The following LOXHD1 variants were observed in gnomAD, a reference collection of about 807,000 sequenced individuals.
LOXHD1 encodes the protein lipoxygenase homology PLAT domains 1, also known as lipoxygenase homology domain-containing protein 1.
A neutral mutation model predicts 248.2 loss-of-function variants in LOXHD1; 205 were observed. The ratio of observed to expected loss-of-function variants is 0.83; its 90% CI spans 0.74 to 0.93. The LOEUF is 0.93. Among genes scored for constraint, LOXHD1 ranks in the 40% least tolerant of loss-of-function variants. The pLI is 0.00. For missense variants in LOXHD1, 2,930 were observed against 2,971.6 expected, an observed-to-expected ratio of 0.99 and a Z score of 0.33; for synonymous variants, 1,113 against 1,162.8, an observed-to-expected ratio of 0.96 and a Z score of 0.87.
intron 14 of LOXHD1, among the ~76,000 whole-genome samples, chr18:46,574,105 A>T (rs1419190129): frequency 6.6e-6 from 1 of 151,980 alleles, no homozygotes; most frequent in Non-Finnish European, 1.5e-5. Flanking sequence ...GAGAGTCAGC[A>T]AGCCCTCGGC....
In LOXHD1 at chr18:46,521,125, T is replaced by A; in HGVS notation, c.5243A>T (p.Asp1748Val). Residue 1748 changes from aspartate (D) to valine (V), a missense_variant, in exon 33 of 41, where the codon GAT (aspartate) becomes GTT (valine). By Grantham distance (152) the Asp-to-Val change is radical. Transcript: ENST00000642948. ...GITSRVFDLL[D>V]AMVVNIGVKV... ...CACCCCAATGTTCACCACCATGGCA[T>A]CCAAGAGGTCGAAGACACGGGAGGT... The A allele has an allele frequency of 6.4e-7, 1 of 1,551,744 alleles. No homozygotes were observed. The highest frequency in any genetic ancestry group is 8.7e-7 in the Non-Finnish European group (1 of 1,147,004).
At chr18:46,641,817 T>C in intron 3 of LOXHD1, 139 bp downstream of exon 3, 4 of 835,918 alleles carry the variant, frequency 4.8e-6, no homozygotes, top group Non-Finnish European at 5.7e-6. Flanking sequence ...TGATTCAGGA[T>C]GACAGGGAAA....
At chr18:46,607,773 A>T (rs1234971562) in intron 6 of LOXHD1, among the ~76,000 whole-genome samples, 2 of 152,124 alleles carry the variant, frequency 1.3e-5, no homozygotes, top group Non-Finnish European at 2.9e-5. Context: ...AATGCAAAAA[A>T]GTAGAGATGA....
At position 46,534,429 on chromosome 18, in the gene LOXHD1, A is replaced by G. The variant is rs2036216341; in HGVS notation, c.4118T>C (p.Ile1373Thr). 1 of 1,551,680 alleles carries G rather than the reference A, an allele frequency of 6.4e-7. No individual in the cohort carries two copies. The highest frequency in any genetic ancestry group is 1.7e-4 in the Middle Eastern group (1 of 5,994). Reference sequence around the variant, plus strand: ...ATTATGGCCAATCCGAATTTTTTCAATGATTTCTCCCACATCTTCTAACTT... The same window carrying G: ...ATTATGGCCAATCCGAATTTTTTCAGTGATTTCTCCCACATCTTCTAACTT... The part of the protein sequence containing the change: ...IVELEDVGEI[I>T]EKIRIGHNNT... The change falls in exon 27 of 41, where the codon ATT becomes ACT. Residue 1373 changes from isoleucine to threonine, a missense_variant. Ile to Thr is a moderately conservative substitution (Grantham distance 89, BLOSUM62 -1). Coordinates refer to ENST00000642948, the MANE Select transcript of LOXHD1 (RefSeq NM_001384474.1).
At chr18:46,565,465 T>C (rs1317378636) in intron 17 of LOXHD1, among the ~76,000 whole-genome samples, 1 of 152,190 alleles carries the variant, frequency 6.6e-6, no homozygotes, top group Non-Finnish European at 1.5e-5. Flanking sequence ...ATATAAAGCC[T>C]GTGAGCGCAA....
intron 14 of LOXHD1, among the ~76,000 whole-genome samples, chr18:46,573,723 C>A (rs984785662): frequency 6.6e-6 from 1 of 152,188 alleles, no homozygotes; most frequent in Non-Finnish European, 1.5e-5. Context: ...CTCTCCCAAA[C>A]CTTCTCTTAC....
chr18:46,496,926 C>G (rs750394614), intron 37 of LOXHD1, among the ~76,000 whole-genome samples: 3 of 152,212 alleles, frequency 2.0e-5, no homozygotes, highest in Non-Finnish European at 2.9e-5. Context: ...TCACTTGAAC[C>G]TGGGAGGCAG....
intron 22 of LOXHD1, among the ~76,000 whole-genome samples, 197 bp downstream of exon 22, chr18:46,546,698 T>C (rs2036855601): frequency 6.6e-6 from 1 of 152,182 alleles, no homozygotes; most frequent in Non-Finnish European, 1.5e-5. Context: ...TTATACTGCC[T>C]TACACTAGAT....
At chr18:46,621,657 G>T (rs1188734860) in intron 4 of LOXHD1, among the ~76,000 whole-genome samples, 6 of 152,076 alleles carry the variant, frequency 3.9e-5, no homozygotes, top group Non-Finnish European at 5.9e-5. Flanking sequence ...CGTAATCTGT[G>T]AGAACAAAAC....
intron 17 of LOXHD1, among the ~76,000 whole-genome samples, chr18:46,565,270 AAT>A (rs2037616388): frequency 6.6e-6 from 1 of 151,872 alleles, no homozygotes. Flanking sequence ...CAAAAAAAAA[AAT>A]GCAGAGGTGA....
chr18:46,512,305 T>A (rs2035012023), intron 34 of LOXHD1, among the ~76,000 whole-genome samples: 1 of 151,586 alleles, frequency 6.6e-6, no homozygotes, highest in African/African-American at 2.4e-5. Flanking sequence ...TGCCAACAGC[T>A]CTTGTGGCCC....
intron 13 of LOXHD1, among the ~76,000 whole-genome samples, chr18:46,578,668 C>G (rs328165): frequency 0.79 from 120,592 of 152,146 alleles, 48,353 homozygotes; most frequent in Non-Finnish European, 0.86. Flanking sequence ...CCAAGGAAGT[C>G]GTGGCAGAGG....
intron 8 of LOXHD1, among the ~76,000 whole-genome samples, chr18:46,598,945 C>G (rs2038298203): frequency 6.6e-6 from 1 of 151,950 alleles, no homozygotes; most frequent in African/African-American, 2.4e-5. Context: ...TAAATAAATA[C>G]AGATTTCTTT....
intron 18 of LOXHD1, among the ~76,000 whole-genome samples, chr18:46,562,698 A>G (rs2144032129): frequency 6.6e-6 from 1 of 152,222 alleles, no homozygotes; most frequent in East Asian, 1.9e-4. Context: ...ACCTGCTCCC[A>G]TGGTTCTCAG....
intron 7 of LOXHD1, among the ~76,000 whole-genome samples, chr18:46,603,589 T>G (rs1200063959): frequency 3.9e-5 from 6 of 152,188 alleles, no homozygotes; most frequent in African/African-American, 1.4e-4. Context: ...GTTAGGGCTT[T>G]AGGAAGCAGA....
At chr18:46,580,167 A>C (rs367657025) in intron 12 of LOXHD1, among the ~76,000 whole-genome samples, 2 of 152,300 alleles carry the variant, frequency 1.3e-5, no homozygotes, top group South Asian at 4.1e-4. Flanking sequence ...ACTAAACGTG[A>C]ATTGCTTCCA....
In LOXHD1 at chr18:46,485,003, G is replaced by A; in HGVS notation, c.6182+16C>T. On this transcript the variant is annotated intron_variant, in intron 39 of 40. Coordinates refer to ENST00000642948, the MANE Select transcript of LOXHD1 (RefSeq NM_001384474.1). ...TACCCACCCCCCACCACTTCCCATG[G>A]GCCTCCCCTTCCTACTTCCTAAAGG... 2.6e-6 allele frequency: 4 copies of A among 1,549,590 alleles called. No homozygotes were observed. The highest frequency in any genetic ancestry group is 3.5e-6 in the Non-Finnish European group (4 of 1,145,556).
intron 5 of LOXHD1, among the ~76,000 whole-genome samples, chr18:46,614,342 G>A (rs2144319507): frequency 6.6e-6 from 1 of 152,276 alleles, no homozygotes; most frequent in South Asian, 2.1e-4. Flanking sequence ...ATGATAGACT[G>A]GATTAAGAAA....
chr18:46,543,446 C>A (rs1275988960), intron 23 of LOXHD1, among the ~76,000 whole-genome samples: 3 of 152,030 alleles, frequency 2.0e-5, no homozygotes, highest in Admixed American at 2.0e-4. Context: ...ACTTTAAGTT[C>A]TGGGGTACAC....
Sources: allele counts gnomAD v4.1 joint callset (sites outside exome capture counted in the v4.1 genomes callset), GRCh38; gene constraint gnomAD v4.1.1; transcripts MANE v1.5; gene names NCBI Gene and HGNC (gene_info 2026-07-23, HGNC 2026-07-21).